Variants in ZSWIM5 observed in about 807,000 individuals in gnomAD.
The protein encoded by ZSWIM5 is zinc finger SWIM-type containing 5, also known as zinc finger SWIM domain-containing protein 5.
A neutral mutation model predicts 119.6 loss-of-function variants in ZSWIM5; 55 were observed. The observed-to-expected ratio is 0.46, with a 90% CI of 0.37 to 0.58. ZSWIM5 has a LOEUF of 0.58. Among genes scored for constraint, ZSWIM5 ranks in the 20% least tolerant of loss-of-function variants. The pLI is 0.00. For synonymous variants in ZSWIM5, 537 were observed against 606.9 expected, an observed-to-expected ratio of 0.88 and a Z score of 1.69; for missense variants, 1,193 against 1,512.8, an observed-to-expected ratio of 0.79 and a Z score of 3.51.
rs767692808 is a variant in ZSWIM5 at position 45,044,236 on chromosome 1, T to C, written c.1433-841A>G. ...AGAGAAAGAGCTGAAGCTCTGTATA[T>C]TCAGGTACCTTTATTACACTGATAT... On this transcript the variant is annotated intron_variant, in intron 5 of 13. Coordinates refer to ENST00000359600, the MANE Select transcript of ZSWIM5 (RefSeq NM_020883.2). 3.8e-4 allele frequency among the ~76,000 whole-genome samples: 57 copies of C among 151,480 alleles called. 1 individual carries two copies. The highest frequency in any genetic ancestry group is 1.6e-3 in the East Asian group (8 of 5,114).
intron 1 of ZSWIM5, among the ~76,000 whole-genome samples, chr1:45,124,138 A>G (rs1454375319): frequency 6.6e-6 from 1 of 152,180 alleles, no homozygotes; most frequent in East Asian, 1.9e-4. Context: ...GGGAAATGAT[A>G]AAAGAAGATA....
intron 1 of ZSWIM5, among the ~76,000 whole-genome samples, chr1:45,120,274 G>T (rs917459542): frequency 1.3e-5 from 2 of 152,192 alleles, no homozygotes; most frequent in Non-Finnish European, 2.9e-5. Flanking sequence ...AACCCCGGAG[G>T]GGGAGGTCGC....
chr1:45,075,131 G>A (rs933814970), intron 2 of ZSWIM5, among the ~76,000 whole-genome samples: 1 of 151,870 alleles, frequency 6.6e-6, no homozygotes, highest in Non-Finnish European at 1.5e-5. Context: ...AACTTAACAT[G>A]TGGTCTATCT....
In ZSWIM5 at chr1:45,057,153, C is replaced by T. The variant is rs772140148; in HGVS notation, c.1252+1456G>A. On this transcript the variant is annotated intron_variant, in intron 4 of 13. Coordinates refer to ENST00000359600, the MANE Select transcript of ZSWIM5 (RefSeq NM_020883.2). The surrounding 1 kb of genome is among the most constrained non-coding windows in gnomAD (Gnocchi z 4.7). ...CTCTGGATCAGCAGCATCAGCATCC[C>T]CTGGGAATTTGTTTGAAATGCAAAT... is the stretch of plus-strand genomic sequence containing the variant. Among the ~76,000 whole-genome samples the T allele has an allele frequency of 6.6e-6, 1 of 152,184 alleles. No homozygotes were observed. Among genetic ancestry groups the T allele is most frequent in the Non-Finnish European group, 1.5e-5 (1 of 68,040 alleles).
intron 1 of ZSWIM5, among the ~76,000 whole-genome samples, chr1:45,090,891 A>G (rs1645360788): frequency 6.6e-6 from 1 of 152,026 alleles, no homozygotes; most frequent in Non-Finnish European, 1.5e-5. Flanking sequence ...GCTCCTCTCC[A>G]GACCTATACC....
intron 10 of ZSWIM5, 105 bp downstream of exon 10, chr1:45,035,583 A>C (rs975554074): frequency 1.3e-5 from 19 of 1,445,354 alleles, no homozygotes; most frequent in Non-Finnish European, 1.8e-5. Flanking sequence ...CGGGTCCAAC[A>C]GAATGACAAA....
chr1:45,180,591 G>A (rs1388163150), intron 1 of ZSWIM5, among the ~76,000 whole-genome samples: 16 of 152,158 alleles, frequency 1.1e-4, no homozygotes, highest in Non-Finnish European at 2.1e-4. Flanking sequence ...GGTTCTCCCA[G>A]CACGCAGCTG....
Position 45,018,254 on chromosome 1 carries a change from A to G in ZSWIM5, c.*200T>C, listed in dbSNP as rs1037181401. On this transcript the variant is annotated 3_prime_UTR_variant, in exon 14 of 14. Coordinates refer to ENST00000359600, the MANE Select transcript of ZSWIM5 (RefSeq NM_020883.2). The surrounding 1 kb of genome is among the most constrained non-coding windows in gnomAD (Gnocchi z 6.7). ...TGCAGGGCCCAGCTCCTCCATGAAC[A>G]GTAGGCTGTAGTCAGAAGCTTGCCA... The G allele has an allele frequency of 1.5e-6, 1 of 660,244 alleles. No individual in the cohort carries two copies. The highest frequency in any genetic ancestry group is 2.5e-6 in the Non-Finnish European group (1 of 395,264). 40.9% of individuals were successfully genotyped at this position (660,244 alleles called of 1,614,324 possible). A position where few individuals can be genotyped will look rare whatever the true frequency, so the allele number is the denominator to read the frequency against.
intron 10 of ZSWIM5, 150 bp from the exon 11 acceptor site, chr1:45,034,619 A>G (rs182683429): frequency 9.4e-6 from 8 of 851,134 alleles, no homozygotes; most frequent in Non-Finnish European, 1.4e-5. Flanking sequence ...GGTACTATAC[A>G]CTATATGAGG....
At chr1:45,120,974 G>A (rs1252312116) in intron 1 of ZSWIM5, among the ~76,000 whole-genome samples, 1 of 150,600 alleles carries the variant, frequency 6.6e-6, no homozygotes, top group African/African-American at 2.4e-5. Context: ...TTTTTGAGAC[G>A]GAGTCTCGCT....
At chr1:45,092,064 C>A (rs959379942) in intron 1 of ZSWIM5, among the ~76,000 whole-genome samples, 1 of 152,104 alleles carries the variant, frequency 6.6e-6, no homozygotes, top group African/African-American at 2.4e-5. Flanking sequence ...CATTATGGTT[C>A]TATAGTGACT....
intron 7 of ZSWIM5, 141 bp from the exon 8 acceptor site, chr1:45,039,214 T>TAGG (rs1204873843): frequency 6.6e-5 from 71 of 1,078,764 alleles, no homozygotes; most frequent in Non-Finnish European, 8.2e-5. Context: ...CTTGGGTTGA[T>TAGG]ACGGCTGGCC....
In ZSWIM5 at chr1:45,034,435, C is replaced by T. The variant is rs147865806; in HGVS notation, c.2326G>A (p.Asp776Asn). Residue 776 changes from aspartate to asparagine, a missense_variant, in exon 11 of 14, where the codon GAC becomes AAC. Physicochemically the swap from Asp to Asn is conservative, Grantham distance 23. Transcript: ENST00000359600. ...ACCATATGGTGAGGGTGGGATGTGT[C>T]GCCTGCAGAAGCTGAGTTTTCTAAA... ...PVLENSASAGDTSHPHHMVSV... is the reference protein window; with the variant it reads ...PVLENSASAGNTSHPHHMVSV... 8.5e-4 allele frequency: 1,362 copies of T among 1,611,470 alleles called. 2 individuals are homozygous for T. The highest frequency in any genetic ancestry group is 5.3e-3 in the Middle Eastern group (32 of 6,044).
chr1:45,175,009 G>T (rs576866998), intron 1 of ZSWIM5, among the ~76,000 whole-genome samples: 13 of 152,032 alleles, frequency 8.6e-5, no homozygotes, highest in African/African-American at 3.1e-4. Context: ...GTTGCCAATT[G>T]CCCCAAAAAT....
chr1:45,036,965 AT>A (rs996545592), intron 8 of ZSWIM5, among the ~76,000 whole-genome samples: 12 of 150,850 alleles, frequency 8.0e-5, no homozygotes, highest in Non-Finnish European at 1.8e-4. Context: ...TGCCCAGATA[AT>A]TTTTAATTTT....
chr1:45,194,101 A>G (rs1202747033), intron 1 of ZSWIM5, among the ~76,000 whole-genome samples: 1 of 152,154 alleles, frequency 6.6e-6, no homozygotes, highest in Non-Finnish European at 1.5e-5. Context: ...AATAACATCA[A>G]TGTATGTTGG....
At chr1:45,148,918 C>T (rs929823668) in intron 1 of ZSWIM5, among the ~76,000 whole-genome samples, 10 of 152,154 alleles carry the variant, frequency 6.6e-5, no homozygotes, top group African/African-American at 2.4e-4. Flanking sequence ...TATCAACACA[C>T]CATAAGATCA....
At chr1:45,089,039 G>A (rs1163062119) in intron 1 of ZSWIM5, among the ~76,000 whole-genome samples, 3 of 151,892 alleles carry the variant, frequency 2.0e-5, no homozygotes, top group Admixed American at 6.6e-5. Flanking sequence ...GGCTCACTTC[G>A]GCCTCTGTCT....
intron 11 of ZSWIM5, among the ~76,000 whole-genome samples, chr1:45,030,401 C>A (rs1416540552): frequency 1.3e-5 from 2 of 152,260 alleles, no homozygotes; most frequent in East Asian, 3.9e-4. Flanking sequence ...CATGTGCCAC[C>A]ATGCCCGGCT....
Sources: gnomAD v4.1 joint callset for allele counts (sites outside exome capture counted in the v4.1 genomes callset) on GRCh38, gnomAD v4.1.1 for gene constraint, Gnocchi (gnomAD v3.1) non-coding constraint, MANE v1.5 for transcripts, NCBI Gene and HGNC (gene_info 2026-07-23, HGNC 2026-07-21) for gene names.